Variants in CIT observed in about 807,000 individuals in gnomAD.
CIT encodes the protein citron Rho-interacting kinase.
Under a neutral mutation model 272.7 loss-of-function variants are expected in CIT, and 79 were observed. The ratio of observed to expected loss-of-function variants is 0.29; its 90% confidence interval spans 0.24 to 0.35. The LOEUF (loss-of-function observed/expected upper bound fraction) is 0.35. Ranked by LOEUF, CIT falls within the 10% of genes least tolerant of loss-of-function variation. CIT has a pLI of 1.00. For missense variants in CIT, 1,909 were observed against 2,618.3 expected, an observed-to-expected ratio of 0.73 and a Z score of 5.91; for synonymous variants, 948 against 995.6, an observed-to-expected ratio of 0.95 and a Z score of 0.90.
chr12:119,756,575 G>A (rs554480550), intron 22 of CIT, among the ~76,000 whole-genome samples: 1 of 152,208 alleles, frequency 6.6e-6, no homozygotes, highest in South Asian at 2.1e-4. Flanking sequence ...GTGGAAGGTG[G>A]GGGGAGGGGG....
At chr12:119,745,332 C>T (rs1197620187) in intron 23 of CIT, among the ~76,000 whole-genome samples, 2 of 55,460 alleles carry the variant, frequency 3.6e-5, no homozygotes, top group African/African-American at 7.1e-5. Context: ...CACAGTAAAG[C>T]AATATCTTCA....
At chr12:119,827,048 C>T (rs998433561) in intron 7 of CIT, among the ~76,000 whole-genome samples, 10 of 152,086 alleles carry the variant, frequency 6.6e-5, no homozygotes, top group Admixed American at 6.6e-4. Context: ...CTAGGGCCCA[C>T]GCTCTGATAC....
At position 119,686,196 on chromosome 12, in the gene CIT, T is replaced by C. The variant is rs1178095571; in HGVS notation, c.*2036A>G. ...TGTACAGTCTTTTGAGCTAGTTCTA[T>C]ATAGCAGAAAGCAGTTCACAGATGA... On this transcript the variant is annotated 3_prime_UTR_variant, in exon 48 of 48. Transcript: ENST00000392521. The C allele has an allele frequency of 6.6e-6, 1 of 152,436 alleles. No individual in the cohort carries two copies. Among genetic ancestry groups the C allele is most frequent in the African/African-American group, 2.4e-5 (1 of 41,434 alleles). The allele number at this position is 152,436 out of a possible 1,614,324, so 9.4% of individuals were successfully genotyped here.
At chr12:119,763,003 ACT>A (rs1962002348) in intron 19 of CIT, among the ~76,000 whole-genome samples, 1 of 152,220 alleles carries the variant, frequency 6.6e-6, no homozygotes. Context: ...CTATGATCAC[ACT>A]ACCACATTCT....
At chr12:119,708,434 G>A (rs1956986985) in intron 39 of CIT, 116 bp from the exon 40 acceptor site, 9 of 1,072,388 alleles carry the variant, frequency 8.4e-6, no homozygotes, top group Non-Finnish European at 7.5e-6. Context: ...CAGATGATCT[G>A]AGTTTTCCAC....
intron 24 of CIT, among the ~76,000 whole-genome samples, chr12:119,740,005 C>A (rs1394021466): frequency 6.6e-6 from 1 of 152,166 alleles, no homozygotes; most frequent in Non-Finnish European, 1.5e-5. Context: ...TAGGATAATA[C>A]ACGTAGGTTA....
intron 10 of CIT, among the ~76,000 whole-genome samples, chr12:119,785,821 C>T (rs1045792936): frequency 1.3e-5 from 2 of 152,256 alleles, no homozygotes; most frequent in Middle Eastern, 6.8e-3. Flanking sequence ...CTCAAGTGAT[C>T]CTGCCACCTC....
chr12:119,856,992 T>C (rs967360194), intron 4 of CIT, among the ~76,000 whole-genome samples: 5 of 152,216 alleles, frequency 3.3e-5, no homozygotes, highest in Non-Finnish European at 7.3e-5. Flanking sequence ...TGAATCAATA[T>C]GTCTAGAGAC....
chr12:119,817,553 G>A (rs1025657498), intron 9 of CIT, among the ~76,000 whole-genome samples: 1 of 151,846 alleles, frequency 6.6e-6, no homozygotes, highest in African/African-American at 2.4e-5. Flanking sequence ...ACTAGTGAGG[G>A]GAGGCCTACG....
Position 119,727,331 on chromosome 12 carries a change from C to T in CIT, c.3591+1171G>A, listed in dbSNP as rs547977882. 7.8e-4 allele frequency among the ~76,000 whole-genome samples: 119 copies of T among 152,288 alleles called. 1 individual carries two copies. The highest frequency in any genetic ancestry group is 8.5e-4 in the Non-Finnish European group (58 of 68,022). The stretch of plus-strand genomic sequence containing the variant: ...ATCTAATTTGGATCTGACAAATTGT[C>T]AATTTCAAAATTCCACCTAGAACGG... On this transcript the variant is annotated intron_variant, in intron 28 of 47. Coordinates refer to ENST00000392521, the MANE Select transcript of CIT (RefSeq NM_001206999.2).
chr12:119,734,091 C>A (rs2137249550), intron 26 of CIT, 73 bp downstream of exon 26: 1 of 1,481,098 alleles, frequency 6.8e-7, no homozygotes, highest in South Asian at 1.2e-5. Context: ...TAGCTGATCA[C>A]CCTGTCCACA....
At chr12:119,797,049 G>A (rs963617028) in intron 10 of CIT, among the ~76,000 whole-genome samples, 22 of 152,184 alleles carry the variant, frequency 1.4e-4, no homozygotes, top group Non-Finnish European at 4.4e-5. Context: ...GTCAGGAGAT[G>A]AACAGCAAGC....
In CIT at chr12:119,857,524, T is replaced by C. The variant is rs758630416; in HGVS notation, c.413A>G (p.Gln138Arg). 1 of 1,614,040 alleles carries C rather than the reference T, an allele frequency of 6.2e-7. No individual in the cohort carries two copies. Among genetic ancestry groups the C allele is most frequent in the East Asian group, 2.2e-5 (1 of 44,886 alleles). Reference sequence around the variant, plus strand: ...AGCATGATGTTAAAATCCTCCTACCTGCTCCTGGGCCAATAAAGCCTTCTT... The same window carrying C: ...AGCATGATGTTAAAATCCTCCTACCCGCTCCTGGGCCAATAAAGCCTTCTT... ...MKKKALLAQE[Q>R]VSFFEEERNI... is the part of the protein sequence containing the mutation. The change falls in exon 4 of 48, where the codon CAG becomes CGG. Residue 138 changes from glutamine (Q) to arginine (R), a missense_variant and splice_region_variant. By Grantham distance (43) the Gln-to-Arg change is conservative. Around this residue, in one of 8 missense-constraint regions of CIT, gnomAD observed 529 missense variants for 549.6 expected, o/e 0.96. Coordinates refer to ENST00000392521, the MANE Select transcript of CIT (RefSeq NM_001206999.2).
rs1427935825 is a variant in CIT at position 119,718,980 on chromosome 12, G to A, written c.3841-119C>T. On this transcript the variant is annotated intron_variant, in intron 30 of 47. Transcript: ENST00000392521. The surrounding 1 kb of genome is among the most constrained non-coding windows in gnomAD (Gnocchi z 4.8). ...AGCCAGGAGCATACTCACTGTAAGTGTATTTAGTAAAAATGGCATGTGAAG... is the reference window on the plus strand; with the variant it reads ...AGCCAGGAGCATACTCACTGTAAGTATATTTAGTAAAAATGGCATGTGAAG... 1.0e-6 allele frequency: 1 copy of A among 974,220 alleles called. No homozygotes were observed. The highest frequency in any genetic ancestry group is 2.5e-5 in the East Asian group (1 of 40,518). 60.3% of individuals were successfully genotyped at this position (974,220 alleles called of 1,614,324 possible).
At chr12:119,876,206 G>A (rs1314305567) in intron 1 of CIT, 25 bp from the exon 2 acceptor site, 1 of 1,476,632 alleles carries the variant, frequency 6.8e-7, no homozygotes, top group Non-Finnish European at 9.5e-7. Context: ...GAAAAGTCAA[G>A]TGTGTCCTAT....
intron 26 of CIT, among the ~76,000 whole-genome samples, chr12:119,730,995 C>A (rs575524608): frequency 6.6e-6 from 1 of 151,608 alleles, no homozygotes; most frequent in African/African-American, 2.4e-5. Context: ...GGTGTGGTGG[C>A]GTGCGCCCCT....
rs192671586 is a variant in CIT at position 119,705,473 on chromosome 12, T to C, written c.5212-1018A>G. On this transcript the variant is annotated intron_variant, in intron 40 of 47. Coordinates refer to ENST00000392521, the MANE Select transcript of CIT (RefSeq NM_001206999.2). ...GAACACACAAGAAAAGGGAAATTGTTAGCAATGTTCTATTTCTTGGACTGG... is the reference window on the plus strand; with the variant it reads ...GAACACACAAGAAAAGGGAAATTGTCAGCAATGTTCTATTTCTTGGACTGG... Among the ~76,000 whole-genome samples, 5 of 152,312 alleles carry C rather than the reference T, an allele frequency of 3.3e-5. No individual in the cohort carries two copies. The East Asian group carries it at 9.7e-4, about 29-fold the overall frequency.
At position 119,749,228 on chromosome 12, in the gene CIT, C is replaced by A. The variant is rs192646332; in HGVS notation, c.2904+2822G>T. 1.4e-4 allele frequency among the ~76,000 whole-genome samples: 22 copies of A among 152,310 alleles called. 1 individual carries two copies. Among genetic ancestry groups the A allele is most frequent in the African/African-American group, 5.1e-4 (21 of 41,564 alleles). On this transcript the variant is annotated intron_variant, in intron 23 of 47. Transcript: ENST00000392521. ...CAGGCTAGGAGATGACTGCCTCTTA[C>A]AATTAAACAATCATAGCACATTTGA... is the stretch of plus-strand genomic sequence containing the variant.
At chr12:119,739,630 C>T (rs1958962864) in intron 24 of CIT, among the ~76,000 whole-genome samples, 1 of 152,114 alleles carries the variant, frequency 6.6e-6, no homozygotes, top group African/African-American at 2.4e-5. Context: ...GAGCCATTTT[C>T]CAAACAAAAG....
Sources: allele counts gnomAD v4.1 joint callset (sites outside exome capture counted in the v4.1 genomes callset), GRCh38; gene constraint gnomAD v4.1.1; regional missense constraint gnomAD v4.1.1; non-coding constraint Gnocchi (gnomAD v3.1); transcripts MANE v1.5; gene names NCBI Gene and HGNC (gene_info 2026-07-23, HGNC 2026-07-21).